Variants in ATP2C1 observed in about 807,000 individuals in gnomAD.
The protein encoded by ATP2C1 is ATPase secretory pathway Ca2+ transporting 1, also known as calcium-transporting ATPase type 2C member 1.
A neutral mutation model predicts 120.5 loss-of-function variants in ATP2C1; 31 were observed. That is an observed-to-expected ratio of 0.26 (90% CI 0.19 to 0.35). The LOEUF (loss-of-function observed/expected upper bound fraction) is 0.35. Among genes scored for constraint, ATP2C1 ranks in the 10% least tolerant of loss-of-function variants. ATP2C1 has a pLI of 1.00. For synonymous variants in ATP2C1, 351 were observed against 358.7 expected (o/e 0.98, Z 0.24); for missense variants, 731 against 1,107.5 (o/e 0.66, Z 4.83).
Position 131,002,951 on chromosome 3 carries a change from C to G in ATP2C1, c.*1601C>G, listed in dbSNP as rs1377122670. 2.0e-6 allele frequency: 2 copies of G among 985,638 alleles called. No individual in the cohort carries two copies. The highest frequency in any genetic ancestry group is 3.5e-5 in the African/African-American group (2 of 57,210). The allele number at this position is 985,638 out of a possible 1,614,324, so 61.1% of individuals were successfully genotyped here. ...CATGGAAGCCATTGTCTAATCAACT[C>G]TATCATTAGTGACTTGATGTCTCAT... On this transcript the variant is annotated 3_prime_UTR_variant, in exon 28 of 28. Coordinates refer to ENST00000510168, the MANE Select transcript of ATP2C1 (RefSeq NM_001378687.1).
In ATP2C1 at chr3:131,002,172, A is replaced by T; in HGVS notation, c.*822A>T. 1 of 977,090 alleles carries T rather than the reference A, an allele frequency of 1.0e-6. No individual in the cohort carries two copies. Among genetic ancestry groups the T allele is most frequent in the South Asian group, 4.7e-5 (1 of 21,124 alleles). The allele number at this position is 977,090 out of a possible 1,614,324, so 60.5% of individuals were successfully genotyped here. A position where few individuals can be genotyped will look rare whatever the true frequency, so the allele number is the denominator to read the frequency against. On this transcript the variant is annotated 3_prime_UTR_variant, in exon 28 of 28. Transcript: ENST00000510168. ...GAAGTTTATAATAAATTATATTAACATGTCTTCCTTTTTGAGGTAAAGATA... is the reference window on the plus strand; with the variant it reads ...GAAGTTTATAATAAATTATATTAACTTGTCTTCCTTTTTGAGGTAAAGATA...
At chr3:131,003,684 A>G, downstream of ATP2C1, among the ~76,000 whole-genome samples, 1 of 152,288 alleles carries the variant, frequency 6.6e-6, no homozygotes, top group East Asian at 1.9e-4. Flanking sequence ...TACAGGCTTT[A>G]TTTATATAGC....
rs2059475619 is a variant in ATP2C1, at chr3:130,932,114, A to G, written c.210A>G (p.Pro70=). 6.2e-7 allele frequency: 1 copy of G among 1,607,410 alleles called. No individual in the cohort carries two copies. The highest frequency in any genetic ancestry group is 8.5e-7 in the Non-Finnish European group (1 of 1,173,958). Residue 70 remains proline (P), a synonymous_variant, in exon 4 of 28, where the codon CCA becomes CCG. Transcript: ENST00000510168. The part of the protein sequence containing the change: ...WNEFDISEDE[P]LWKKYISQFK... ...AGTTTGATATTAGTGAAGATGAGCC[A>G]CTGTGGAAGAAGTATATTTCTCAGG...
intron 20 of ATP2C1, among the ~76,000 whole-genome samples, chr3:130,991,859 G>C (rs2108878089): frequency 1.3e-5 from 2 of 152,306 alleles, no homozygotes; most frequent in East Asian, 3.9e-4. Context: ...TTCTGATTCT[G>C]ATTTCTCCAA....
chr3:130,940,314 A>G (rs1401587710), intron 6 of ATP2C1, among the ~76,000 whole-genome samples: 1 of 152,254 alleles, frequency 6.6e-6, no homozygotes, highest in Admixed American at 6.5e-5. Flanking sequence ...TTAAGGCTCA[A>G]TGACTTAAAA....
At position 130,964,161 on chromosome 3, in the gene ATP2C1, C is replaced by CA. The variant is rs140015524; in HGVS notation, c.1024+67dup. The CA allele has an allele frequency of 0.12, 198,101 of 1,589,706 alleles. 13,318 individuals carry two copies. The highest frequency in any genetic ancestry group is 0.19 in the East Asian group (8,393 of 44,572). ...AGTTTATGTCAATAGTGAATCATCTCAGAGTTTTACAGTTTTTATCTTAGA... is the reference window on the plus strand; with the variant it reads ...AGTTTATGTCAATAGTGAATCATCTCAAGAGTTTTACAGTTTTTATCTTAGA... On this transcript the variant is annotated intron_variant, in intron 13 of 27. Coordinates refer to ENST00000510168, the MANE Select transcript of ATP2C1 (RefSeq NM_001378687.1).
intron 5 of ATP2C1, among the ~76,000 whole-genome samples, chr3:130,935,520 G>GA (rs1285997498): frequency 6.6e-6 from 1 of 152,322 alleles, no homozygotes; most frequent in Non-Finnish European, 1.5e-5. Context: ...GAACACTGTA[G>GA]ATGTTATTGT....
chr3:130,916,300 C>T (rs1377035242), intron 2 of ATP2C1, among the ~76,000 whole-genome samples: 1 of 151,694 alleles, frequency 6.6e-6, no homozygotes, highest in Non-Finnish European at 1.5e-5. Context: ...CCTGTAATCC[C>T]AGCTACTTGG....
chr3:130,883,919 C>CT (rs1329897481), intron 1 of ATP2C1, among the ~76,000 whole-genome samples: 1 of 136,362 alleles, frequency 7.3e-6, no homozygotes, highest in South Asian at 2.2e-4. Context: ...AATTTCTTTT[C>CT]TTTCTTTCTT....
intron 22 of ATP2C1, among the ~76,000 whole-genome samples, chr3:130,995,359 A>G (rs1255658244): frequency 6.6e-6 from 1 of 151,996 alleles, no homozygotes; most frequent in Non-Finnish European, 1.5e-5. Context: ...GGCTGCAGGT[A>G]AGTCAAGGTT....
At chr3:130,947,099 A>AC (rs1266027861) in intron 8 of ATP2C1, among the ~76,000 whole-genome samples, 1 of 152,160 alleles carries the variant, frequency 6.6e-6, no homozygotes, top group African/African-American at 2.4e-5. Flanking sequence ...TGTCACTGTG[A>AC]CACAGAGTTG....
rs2069357140 is a variant in ATP2C1 at position 130,894,157 on chromosome 3, C to G, written c.-361C>G. The G allele has an allele frequency of 1.6e-6, 1 of 634,726 alleles. No individual in the cohort carries two copies. Among genetic ancestry groups the G allele is most frequent in the Non-Finnish European group, 2.0e-6 (1 of 509,490 alleles). The allele number at this position is 634,726 out of a possible 1,614,324, so 39.3% of individuals were successfully genotyped here. ...CCTCACCTCCTCTTCTCTCCCCTCCCCGCCCGCCCTCTCTCCCTCCCTTCC... is the reference window on the plus strand; with the variant it reads ...CCTCACCTCCTCTTCTCTCCCCTCCGCGCCCGCCCTCTCTCCCTCCCTTCC... On this transcript the variant is annotated 5_prime_UTR_variant, in exon 1 of 28. Transcript: ENST00000510168. This position sits in a 1 kb window ranked among gnomAD's most constrained non-coding sequence, Gnocchi z 4.5.
intron 22 of ATP2C1, among the ~76,000 whole-genome samples, chr3:130,995,469 T>C (rs185848706): frequency 3.4e-4 from 51 of 152,224 alleles, no homozygotes; most frequent in African/African-American, 1.2e-3. Context: ...AAGTATTTTC[T>C]CTTGTGTGAA....
chr3:130,969,871 G>T (rs1279415387), intron 17 of ATP2C1, among the ~76,000 whole-genome samples: 1 of 152,194 alleles, frequency 6.6e-6, no homozygotes, highest in Non-Finnish European at 1.5e-5. Flanking sequence ...CTGACAAAAT[G>T]ACATACCGAT....
At chr3:130,941,732 A>G (rs1366776430) in intron 8 of ATP2C1, 33 bp downstream of exon 8, 1 of 1,475,646 alleles carries the variant, frequency 6.8e-7, no homozygotes, top group Non-Finnish European at 9.5e-7. Context: ...ATAAGTGAAA[A>G]TACGTGGATG....
At chr3:130,925,884 A>T (rs947304398) in intron 2 of ATP2C1, among the ~76,000 whole-genome samples, 7 of 152,104 alleles carry the variant, frequency 4.6e-5, no homozygotes, top group African/African-American at 1.7e-4. Flanking sequence ...TGAGTCATAC[A>T]GGCCACCAGG....
chr3:130,974,658 A>AG (rs1200516382), intron 17 of ATP2C1, among the ~76,000 whole-genome samples: 2 of 151,714 alleles, frequency 1.3e-5, no homozygotes, highest in Admixed American at 6.6e-5. Flanking sequence ...AAAGATGGGG[A>AG]GGGGGGGAAT....
intron 6 of ATP2C1, 56 bp from the exon 7 acceptor site, chr3:130,940,574 A>G: frequency 8.7e-7 from 1 of 1,148,446 alleles, no homozygotes; most frequent in East Asian, 2.4e-5. Context: ...TAATAAGTCT[A>G]AATGGAATAT....
intron 2 of ATP2C1, among the ~76,000 whole-genome samples, chr3:130,917,975 CT>C (rs3836421): frequency 1.2e-4 from 17 of 146,034 alleles, no homozygotes; most frequent in Admixed American, 4.8e-4. Flanking sequence ...TGTAGAATTT[CT>C]TTTTTTTTTC....
Sources: gnomAD v4.1 joint callset for allele counts (sites outside exome capture counted in the v4.1 genomes callset) on GRCh38, gnomAD v4.1.1 for gene constraint, Gnocchi (gnomAD v3.1) non-coding constraint, MANE v1.5 for transcripts, NCBI Gene and HGNC (gene_info 2026-07-23, HGNC 2026-07-21) for gene names.